Variants in ACCSL observed in about 807,000 individuals in gnomAD.
ACCSL encodes the protein probable inactive 1-aminocyclopropane-1-carboxylate synthase-like protein 2.
Under a neutral mutation model 61.7 loss-of-function variants are expected in ACCSL, and 55 were observed. The ratio of observed to expected loss-of-function variants is 0.89; its 90% CI spans 0.72 to 1.12. The LOEUF is 1.12. ACCSL is among the 50% of genes most tolerant of loss of function. The probability of loss-of-function intolerance (pLI) is 0.00; values close to 1 mark genes in which losing one functional copy is unlikely to be tolerated. For synonymous variants in ACCSL, 258 were observed against 264.3 expected (o/e 0.98, Z 0.23); for missense variants, 632 against 698.0 (o/e 0.91, Z 1.07).
chr11:44,050,636 A>G lies in ACCSL; in HGVS notation c.635+14A>G, dbSNP rs372522833. On this transcript the variant is annotated intron_variant, in intron 3 of 13. Coordinates refer to ENST00000378832, the MANE Select transcript of ACCSL (RefSeq NM_001031854.2). Reference sequence around the variant, plus strand: ...AGGGCAGCCATTGTAAGTGACCTTCAGATTTAGAGTCTCTTGGTCCCACAG... The same window carrying G: ...AGGGCAGCCATTGTAAGTGACCTTCGGATTTAGAGTCTCTTGGTCCCACAG... 23 of 1,612,830 alleles carry G rather than the reference A, an allele frequency of 1.4e-5. No homozygotes were observed. The highest frequency in any genetic ancestry group is 2.5e-6 in the Non-Finnish European group (3 of 1,179,184).
chr11:44,031,401 A>G, the ACCSL span, among the ~76,000 whole-genome samples: 1 of 152,044 alleles, frequency 6.6e-6, no homozygotes, highest in Non-Finnish European at 1.5e-5. Context: ...TGAGATCTGG[A>G]TGGTATTGAT....
chr11:44,054,602 A>G (rs907482091), intron 8 of ACCSL, among the ~76,000 whole-genome samples: 1 of 152,042 alleles, frequency 6.6e-6, no homozygotes, highest in African/African-American at 2.4e-5. Context: ...AACTGCAGGC[A>G]TGCGCCAACA....
the ACCSL span, chr11:44,001,034 C>T: frequency 2.0e-5 from 3 of 152,196 alleles, no homozygotes; most frequent in African/African-American, 7.2e-5. Context: ...TAAGCTGCCT[C>T]CTCGATAGAT....
the ACCSL span, among the ~76,000 whole-genome samples, chr11:44,018,146 G>A: frequency 6.6e-6 from 1 of 151,924 alleles, no homozygotes; most frequent in Non-Finnish European, 1.5e-5. Context: ...CAGCCCCAGT[G>A]GGGGAAGGAA....
chr11:44,027,775 C>G, the ACCSL span, among the ~76,000 whole-genome samples: 2 of 152,254 alleles, frequency 1.3e-5, no homozygotes, highest in African/African-American at 4.8e-5. Flanking sequence ...ACTTTGCCTG[C>G]ATGTTTGTGT....
At chr11:44,021,336 A>G in the ACCSL span, among the ~76,000 whole-genome samples, 1 of 152,060 alleles carries the variant, frequency 6.6e-6, no homozygotes, top group African/African-American at 2.4e-5. Flanking sequence ...GCGGTATTGC[A>G]TTGTGGTTTT....
rs199703277 is a variant in ACCSL, at chr11:44,051,339, C to T, written c.640C>T (p.Arg214Trp). The part of the protein sequence containing the change: ...YPDWRGQPFL[R>W]EEVARFLTYY... Reference sequence around the variant, plus strand: ...TCTCTCTGGGTCTGTTTACAGCCTGCGGGAAGAAGTGGCCCGGTTCCTGAC... The same window carrying T: ...TCTCTCTGGGTCTGTTTACAGCCTGTGGGAAGAAGTGGCCCGGTTCCTGAC... The change falls in exon 4 of 14, where the codon CGG becomes TGG. Residue 214 changes from arginine to tryptophan, a missense_variant. Physicochemically the swap from Arg to Trp is moderately radical, Grantham distance 101. Coordinates refer to ENST00000378832, the MANE Select transcript of ACCSL (RefSeq NM_001031854.2). The T allele has an allele frequency of 2.0e-5, 33 of 1,614,024 alleles. No individual in the cohort carries two copies. Among genetic ancestry groups the T allele is most frequent in the Non-Finnish European group, 2.5e-5 (29 of 1,180,028 alleles).
the ACCSL span, among the ~76,000 whole-genome samples, chr11:44,023,371 T>A: frequency 3.9e-5 from 6 of 152,142 alleles, no homozygotes; most frequent in Non-Finnish European, 8.8e-5. Flanking sequence ...CTATTTCTTC[T>A]TGATTTAATT....
upstream of ACCSL, among the ~76,000 whole-genome samples, chr11:44,046,411 G>A (rs1371771628): frequency 6.6e-6 from 1 of 152,288 alleles, no homozygotes; most frequent in African/African-American, 2.4e-5. Context: ...CATCCTTGTG[G>A]TTATGCCTCT....
At chr11:44,002,760 G>A in the ACCSL span, among the ~76,000 whole-genome samples, 2 of 152,172 alleles carry the variant, frequency 1.3e-5, no homozygotes, top group East Asian at 3.8e-4. Context: ...AATCCTTACC[G>A]GTAAAATGGG....
chr11:44,041,086 C>G, the ACCSL span, among the ~76,000 whole-genome samples: 3 of 152,202 alleles, frequency 2.0e-5, no homozygotes, highest in Non-Finnish European at 4.4e-5. Context: ...CAGAGCCTGA[C>G]TTGAGGCAGT....
the ACCSL span, among the ~76,000 whole-genome samples, chr11:43,991,673 A>T: frequency 2.0e-5 from 3 of 152,222 alleles, no homozygotes; most frequent in African/African-American, 7.2e-5. Flanking sequence ...TGGTGCCTGT[A>T]GTCCCAGCTA....
the ACCSL span, among the ~76,000 whole-genome samples, chr11:43,923,641 G>A: frequency 6.6e-6 from 1 of 152,336 alleles, no homozygotes; most frequent in South Asian, 2.1e-4. Context: ...ATTTACTACA[G>A]TGACTAATGG....
the ACCSL span, among the ~76,000 whole-genome samples, chr11:44,019,651 C>T: frequency 1.3e-5 from 2 of 152,066 alleles, no homozygotes; most frequent in African/African-American, 4.8e-5. Flanking sequence ...AAATACTAGA[C>T]CTTTATCAGA....
the ACCSL span, among the ~76,000 whole-genome samples, chr11:43,985,348 AG>A: frequency 2.6e-5 from 4 of 152,304 alleles, no homozygotes; most frequent in South Asian, 8.3e-4. Flanking sequence ...GCAGGCAGAC[AG>A]GGAGAGGAGA....
the ACCSL span, among the ~76,000 whole-genome samples, chr11:43,940,526 T>G: frequency 6.6e-6 from 1 of 151,432 alleles, no homozygotes; most frequent in Admixed American, 6.6e-5. Context: ...TAGCTAACTT[T>G]TTTTTTTTAA....
chr11:43,967,282 A>T, the ACCSL span, among the ~76,000 whole-genome samples: 1 of 142,924 alleles, frequency 7.0e-6, no homozygotes, highest in Admixed American at 7.5e-5. Context: ...GGTTCAAGTG[A>T]TTCTCCTGCC....
chr11:43,927,004 T>C, the ACCSL span, among the ~76,000 whole-genome samples: 2 of 152,250 alleles, frequency 1.3e-5, no homozygotes, highest in Admixed American at 6.5e-5. Context: ...CCCATCGGCC[T>C]CCCAGAGTGC....
chr11:44,046,953 G>A (rs923535156), upstream of ACCSL, among the ~76,000 whole-genome samples: 6 of 152,078 alleles, frequency 3.9e-5, no homozygotes, highest in Non-Finnish European at 8.8e-5. Flanking sequence ...TTGGAAGTTT[G>A]TTGCAGTAAG....
Sources: allele counts gnomAD v4.1 joint callset (sites outside exome capture counted in the v4.1 genomes callset), GRCh38; gene constraint gnomAD v4.1.1; transcripts MANE v1.5; gene names NCBI Gene and HGNC (gene_info 2026-07-23, HGNC 2026-07-21).